Variants in USP40 observed in about 807,000 individuals in gnomAD.
USP40 encodes ubiquitin specific peptidase 40, also known as ubiquitin carboxyl-terminal hydrolase 40.
USP40 carries 143 observed loss-of-function variants against 166.2 expected under a neutral mutation model. That is an observed-to-expected ratio of 0.86 (90% CI 0.75 to 0.99). USP40 has a LOEUF of 0.99. USP40 is among the 50% of genes least tolerant of loss of function. The probability of loss-of-function intolerance (pLI) is 0.00; values close to 1 mark genes in which losing one functional copy is unlikely to be tolerated. For synonymous variants in USP40, 498 were observed against 524.0 expected, an observed-to-expected ratio of 0.95 and a Z score of 0.68; for missense variants, 1,444 against 1,479.7, an observed-to-expected ratio of 0.98 and a Z score of 0.40.
chr2:233,484,243 C>T (rs904361462), intron 30 of USP40, among the ~76,000 whole-genome samples: 1 of 152,170 alleles, frequency 6.6e-6, no homozygotes, highest in African/African-American at 2.4e-5. Flanking sequence ...TTAATCTAAT[C>T]TATATGGATT....
intron 7 of USP40, among the ~76,000 whole-genome samples, chr2:233,549,504 A>G (rs1435488550): frequency 6.6e-6 from 1 of 152,138 alleles, no homozygotes; most frequent in African/African-American, 2.4e-5. Context: ...TTTGGCTAAG[A>G]TCATGTAAGC....
At chr2:233,494,637 TG>T (rs1487300040) in intron 24 of USP40, among the ~76,000 whole-genome samples, 1 of 151,386 alleles carries the variant, frequency 6.6e-6, no homozygotes, top group Non-Finnish European at 1.5e-5. Context: ...GAGGCTGAGG[TG>T]GGAGGATCGA....
intron 22 of USP40, 23 bp from the exon 23 acceptor site, chr2:233,498,635 A>AT (rs770724802): frequency 9.3e-6 from 15 of 1,607,006 alleles, no homozygotes; most frequent in Admixed American, 1.7e-5. Context: ...CAAAATTGGG[A>AT]TAAAAAAAAT....
intron 21 of USP40, among the ~76,000 whole-genome samples, chr2:233,501,890 G>A (rs776262564): frequency 1.4e-4 from 21 of 152,240 alleles, no homozygotes; most frequent in Non-Finnish European, 2.4e-4. Flanking sequence ...CTGGGCAGCA[G>A]AATGCTCAAA....
intron 1 of USP40, 118 bp from the exon 2 acceptor site, chr2:233,565,691 A>G: frequency 3.3e-6 from 3 of 915,044 alleles, no homozygotes; most frequent in Non-Finnish European, 4.8e-6. Context: ...TACTGTTTCT[A>G]TGTACAGTAG....
intron 18 of USP40, among the ~76,000 whole-genome samples, chr2:233,514,439 G>C (rs2067044642): frequency 6.6e-6 from 1 of 152,194 alleles, no homozygotes; most frequent in African/African-American, 2.4e-5. Context: ...AGAAGTCTTG[G>C]GGGTTAAAGA....
chr2:233,479,535 C>T (rs1367507169), intron 31 of USP40, among the ~76,000 whole-genome samples: 2 of 150,866 alleles, frequency 1.3e-5, no homozygotes, highest in African/African-American at 4.9e-5. Flanking sequence ...TGCACTCCAG[C>T]CTGGCGACAA....
In USP40 at chr2:233,493,429, G is replaced by GA; in HGVS notation, c.2912_2913insT (p.Gln972ProfsTer68). Reference sequence around the variant, plus strand: ...GAAATCCCATTCTGTTCTCACCTTGGCTGGAAGTGGCTCTCCAAACTCTGC... The same window carrying GA: ...GAAATCCCATTCTGTTCTCACCTTGGACTGGAAGTGGCTCTCCAAACTCTGC... On this transcript the variant is annotated frameshift_variant, in exon 25 of 32. Transcript: ENST00000678225. LOFTEE classifies it high-confidence loss of function. This position sits in a 1 kb window ranked among gnomAD's most constrained non-coding sequence, Gnocchi z 4.7. 1 of 1,613,866 alleles carries GA rather than the reference G, an allele frequency of 6.2e-7. No homozygotes were observed. Among genetic ancestry groups the GA allele is most frequent in the Admixed American group, 1.7e-5 (1 of 60,000 alleles).
rs1217564433 is a variant in USP40, at chr2:233,527,400, A to AT, written c.1725+6dup. 2 of 1,611,094 alleles carry AT rather than the reference A, an allele frequency of 1.2e-6. No individual in the cohort carries two copies. Among genetic ancestry groups the AT allele is most frequent in the African/African-American group, 2.7e-5 (2 of 74,798 alleles). ...GTCTGAATTAAGAGGAAGTAAGGCG[A>AT]TATTACCTGAAATATTGACTGCCGG... On this transcript the variant is annotated splice_region_variant and intron_variant, in intron 13 of 31. Coordinates refer to ENST00000678225, the MANE Select transcript of USP40 (RefSeq NM_001365479.2).
chr2:233,565,151 T>C (rs2072024984), intron 2 of USP40, among the ~76,000 whole-genome samples: 1 of 152,246 alleles, frequency 6.6e-6, no homozygotes, highest in African/African-American at 2.4e-5. Flanking sequence ...CTAAACATTA[T>C]TGTCATCACC....
intron 24 of USP40, among the ~76,000 whole-genome samples, chr2:233,494,940 ATATATATATATATATT>A (rs1242816015): frequency 0.031 from 1,545 of 50,302 alleles, 66 homozygotes; most frequent in Non-Finnish European, 0.037. Context: ...ATATATATAT[ATATATATATATATATT>A]TATATATATA....
At chr2:233,482,658 T>G in intron 30 of USP40, among the ~76,000 whole-genome samples, 1 of 150,458 alleles carries the variant, frequency 6.6e-6, no homozygotes, top group Non-Finnish European at 1.5e-5. Flanking sequence ...TGGCATGATC[T>G]CAGCTCACTA....
intron 30 of USP40, among the ~76,000 whole-genome samples, chr2:233,482,491 G>C (rs1455421867): frequency 6.6e-6 from 1 of 152,110 alleles, no homozygotes; most frequent in African/African-American, 2.4e-5. Context: ...CTAGGAGTGG[G>C]ACTCCTTGGT....
chr2:233,533,919 A>G (rs972533991), intron 10 of USP40, 140 bp from the exon 11 acceptor site: 14 of 865,222 alleles, frequency 1.6e-5, no homozygotes, highest in Non-Finnish European at 2.4e-5. Flanking sequence ...ACGGGGGAAA[A>G]TCCATCTAGG....
At chr2:233,520,908 C>A (rs2067605596) in intron 17 of USP40, 83 bp downstream of exon 17, 2 of 1,462,334 alleles carry the variant, frequency 1.4e-6, no homozygotes, top group East Asian at 4.6e-5. Flanking sequence ...GACAACTGTT[C>A]TGAAAGATTA....
intron 23 of USP40, among the ~76,000 whole-genome samples, chr2:233,497,639 G>T (rs570465713): frequency 6.6e-6 from 1 of 152,352 alleles, no homozygotes; most frequent in African/African-American, 2.4e-5. Context: ...GCTTCTGGCT[G>T]AATTCTTTGA....
At chr2:233,512,327 C>G (rs2066894170) in intron 19 of USP40, 2 of 288,534 alleles carry the variant, frequency 6.9e-6, no homozygotes, top group Non-Finnish European at 1.3e-5. Context: ...ATAACTAGAT[C>G]AAACCCGTGA....
In USP40 at chr2:233,533,332, CATAAT is replaced by C. The variant is rs111240566; in HGVS notation, c.1471+142_1471+146del. On this transcript the variant is annotated intron_variant, in intron 11 of 31. Transcript: ENST00000678225. Reference sequence around the variant, plus strand: ...TGACAAATTGTTAGATTTCATTTGGCATAATATAGTTCTTGTTAGCTTTAAAATAT... The same window carrying C: ...TGACAAATTGTTAGATTTCATTTGGCATAGTTCTTGTTAGCTTTAAAATAT... 3,048 of 759,372 alleles carry C rather than the reference CATAAT, an allele frequency of 4.0e-3. 62 individuals are homozygous for C. The African/African-American group carries it at 0.046, about 11-fold the overall frequency. 47.0% of individuals were successfully genotyped at this position (759,372 alleles called of 1,614,324 possible). A position where few individuals can be genotyped will look rare whatever the true frequency, so the allele number is the denominator to read the frequency against.
At position 233,480,728 on chromosome 2, in the gene USP40, T is replaced by G. The variant is rs1173462214; in HGVS notation, c.3599+475A>C. The stretch of plus-strand genomic sequence containing the variant: ...GGGTCAGGCAGTGTCCTGGAGGAAG[T>G]GGGGTAGCAGCCCTGAAGCCACAGC... On this transcript the variant is annotated intron_variant, in intron 31 of 31. Coordinates refer to ENST00000678225, the MANE Select transcript of USP40 (RefSeq NM_001365479.2). This position sits in a 1 kb window ranked among gnomAD's most constrained non-coding sequence, Gnocchi z 4.5. 1.3e-5 allele frequency among the ~76,000 whole-genome samples: 2 copies of G among 151,868 alleles called. No homozygotes were observed. Among genetic ancestry groups the G allele is most frequent in the Non-Finnish European group, 2.9e-5 (2 of 67,956 alleles).
Sources: gnomAD v4.1 joint callset for allele counts (sites outside exome capture counted in the v4.1 genomes callset) on GRCh38, gnomAD v4.1.1 for gene constraint, Gnocchi (gnomAD v3.1) non-coding constraint, MANE v1.5 for transcripts, NCBI Gene and HGNC (gene_info 2026-07-23, HGNC 2026-07-21) for gene names.